The following KIF3C variants were observed in gnomAD, a reference collection of about 807,000 sequenced individuals.
The protein encoded by KIF3C is kinesin family member 3C, also known as kinesin-like protein KIF3C.
In KIF3C, 12 loss-of-function variants were observed where a neutral mutation model predicts 67.7. That is an observed-to-expected ratio of 0.18 (90% CI 0.11 to 0.29). The LOEUF (loss-of-function observed/expected upper bound fraction) is 0.29. KIF3C is among the 10% of genes least tolerant of loss of function. The pLI is 1.00. For synonymous variants in KIF3C, 393 were observed against 426.2 expected, an observed-to-expected ratio of 0.92 and a Z score of 0.96; for missense variants, 789 against 1,059.6, an observed-to-expected ratio of 0.74 and a Z score of 3.55.
chr2:25,979,269 T>C (rs1030648339), intron 1 of KIF3C, among the ~76,000 whole-genome samples: 3 of 152,044 alleles, frequency 2.0e-5, no homozygotes, highest in Admixed American at 2.0e-4. Context: ...GGGAGGGGCC[T>C]CTGTAGTTAG....
intron 1 of KIF3C, among the ~76,000 whole-genome samples, chr2:25,970,405 C>T (rs1365620509): frequency 1.3e-5 from 2 of 151,908 alleles, no homozygotes; most frequent in African/African-American, 4.8e-5. Context: ...CGGTGGCTCA[C>T]GCCTATAATC....
Position 25,958,873 on chromosome 2 carries a change from G to A in KIF3C, c.1546-2429C>T, listed in dbSNP as rs971628443. 6.6e-6 allele frequency among the ~76,000 whole-genome samples: 1 copy of A among 152,134 alleles called. No individual in the cohort carries two copies. On this transcript the variant is annotated intron_variant, in intron 1 of 7. Coordinates refer to ENST00000264712, the MANE Select transcript of KIF3C (RefSeq NM_002254.8). The surrounding 1 kb of genome is among the most constrained non-coding windows in gnomAD (Gnocchi z 4.5). Reference sequence around the variant, plus strand: ...GCGGATCACCTGAGGTTGGGAGTTCGAGACCAGTCTGACCAACATGGAGAA... The same window carrying A: ...GCGGATCACCTGAGGTTGGGAGTTCAAGACCAGTCTGACCAACATGGAGAA...
chr2:25,955,619 G>C lies in KIF3C; in HGVS notation c.1692C>G (p.Asp564Glu). The C allele has an allele frequency of 1.2e-6, 2 of 1,614,060 alleles. No homozygotes were observed. The highest frequency in any genetic ancestry group is 1.7e-6 in the Non-Finnish European group (2 of 1,180,000). Residue 564 changes from aspartate (D) to glutamate (E), a missense_variant, in exon 3 of 8, where the codon GAC becomes GAG. Asp to Glu is a conservative substitution (Grantham distance 45). This residue lies in a region of KIF3C where 648 missense variants were observed against 807.8 expected (regional missense o/e 0.80). Coordinates refer to ENST00000264712, the MANE Select transcript of KIF3C (RefSeq NM_002254.8). The surrounding 1 kb of genome is among the most constrained non-coding windows in gnomAD (Gnocchi z 5.0). ...TGCCCCGGAGCTCCATAGTCTCCTC[G>C]TCCCGGAGCATCATCTCCTGCTGCA... ...REMQQEMMLR[D>E]EETMELRGTY... is the part of the protein sequence containing the mutation.
intron 1 of KIF3C, among the ~76,000 whole-genome samples, chr2:25,962,092 G>A (rs977469332): frequency 6.6e-5 from 10 of 152,294 alleles, no homozygotes; most frequent in South Asian, 4.1e-4. Context: ...AAGAGCTCAC[G>A]TCTTGAGGTT....
At chr2:25,945,997 C>T (rs1663422953) in intron 5 of KIF3C, among the ~76,000 whole-genome samples, 1 of 151,926 alleles carries the variant, frequency 6.6e-6, no homozygotes, top group Non-Finnish European at 1.5e-5. Context: ...CCTGTAATCC[C>T]AGCTACTCAG....
chr2:25,971,778 G>A (rs1032149830), intron 1 of KIF3C, among the ~76,000 whole-genome samples: 2 of 149,892 alleles, frequency 1.3e-5, no homozygotes, highest in Non-Finnish European at 3.0e-5. Context: ...CAAGATCAAG[G>A]CTCACTGAAA....
At chr2:25,962,976 T>C (rs1219529943) in intron 1 of KIF3C, among the ~76,000 whole-genome samples, 4 of 46,406 alleles carry the variant, frequency 8.6e-5, no homozygotes, top group South Asian at 5.0e-4. Flanking sequence ...TAATATATAA[T>C]ATATAATATA....
rs1193226244 is a variant in KIF3C, at chr2:25,930,060, A to T, written c.2010T>A (p.Ser670Arg). The T allele has an allele frequency of 6.2e-7, 1 of 1,612,688 alleles. No individual in the cohort carries two copies. The highest frequency in any genetic ancestry group is 1.3e-5 in the African/African-American group (1 of 74,900). ...TTGGCCGCTTCTTCATCTGGCTGCT[A>T]CTGCTGTAGGAAAGAGGCTATATTA... is the stretch of plus-strand genomic sequence containing the variant. ...KFQPLVPAGV[S>R]SSQMKKRPTS... Residue 670 changes from serine (S) to arginine (R), a missense_variant, in exon 6 of 8, where the codon AGT becomes AGA. Physicochemically the swap from Ser to Arg is moderately radical, Grantham distance 110. Transcript: ENST00000264712.
intron 5 of KIF3C, among the ~76,000 whole-genome samples, chr2:25,944,218 A>G (rs1663369065): frequency 2.0e-5 from 3 of 151,300 alleles, no homozygotes; most frequent in East Asian, 2.0e-4. Context: ...CAGCTACCTG[A>G]TATTTCTTAA....
Position 25,944,019 on chromosome 2 carries a change from T to A in KIF3C, c.2006+7770A>T, listed in dbSNP as rs147147357. On this transcript the variant is annotated intron_variant, in intron 5 of 7. Coordinates refer to ENST00000264712, the MANE Select transcript of KIF3C (RefSeq NM_002254.8). Reference sequence around the variant, plus strand: ...AAAATGAAAAAGAAAAAGAAAAGAATATATTCATGATTACCTGATATTTCT... The same window carrying A: ...AAAATGAAAAAGAAAAAGAAAAGAAAATATTCATGATTACCTGATATTTCT... 3.9e-4 allele frequency among the ~76,000 whole-genome samples: 59 copies of A among 152,236 alleles called. No homozygotes were observed. In the East Asian group the frequency reaches 0.011, roughly 27 times the overall value.
In KIF3C at chr2:25,981,275, G is replaced by C; in HGVS notation, c.643C>G (p.Arg215Gly). Reference protein sequence around the residue: ...GSTHMNEVSSRSHAIFIITVE... With the variant: ...GSTHMNEVSSGSHAIFIITVE... ...GTGATGATGAAGATGGCATGGGAGC[G>C]GGAGCTGACCTCATTCATGTGGGTG... is the stretch of plus-strand genomic sequence containing the variant. Residue 215 changes from arginine to glycine, a missense_variant, in exon 1 of 8, where the codon CGC (arginine) becomes GGC (glycine). This residue lies in a region of KIF3C where 648 missense variants were observed against 807.8 expected (regional missense o/e 0.80). Transcript: ENST00000264712. This position sits in a 1 kb window ranked among gnomAD's most constrained non-coding sequence, Gnocchi z 8.2. 1 of 1,614,170 alleles carries C rather than the reference G, an allele frequency of 6.2e-7. No homozygotes were observed. The highest frequency in any genetic ancestry group is 8.5e-7 in the Non-Finnish European group (1 of 1,180,034).
chr2:25,970,670 A>C, intron 1 of KIF3C, among the ~76,000 whole-genome samples: 1 of 147,562 alleles, frequency 6.8e-6, no homozygotes, highest in Non-Finnish European at 1.5e-5. Context: ...TTTGTCTCAA[A>C]AAAAAAAAAA....
At chr2:25,953,803 G>T (rs1237228595) in intron 4 of KIF3C, among the ~76,000 whole-genome samples, 5 of 151,808 alleles carry the variant, frequency 3.3e-5, no homozygotes, top group African/African-American at 1.2e-4. Context: ...GAGTAGCTGG[G>T]ATTACAAGTG....
chr2:25,928,790 A>G lies in KIF3C; in HGVS notation c.*188T>C. Reference sequence around the variant, plus strand: ...AACACGAACAGAGCTCCGCGAATAAATAACATGAATTAAATAAAGGAGGCG... The same window carrying G: ...AACACGAACAGAGCTCCGCGAATAAGTAACATGAATTAAATAAAGGAGGCG... On this transcript the variant is annotated 3_prime_UTR_variant, in exon 8 of 8. Coordinates refer to ENST00000264712, the MANE Select transcript of KIF3C (RefSeq NM_002254.8). 1 of 567,608 alleles carries G rather than the reference A, an allele frequency of 1.8e-6. No homozygotes were observed. The allele number at this position is 567,608 out of a possible 1,614,324, so 35.2% of individuals were successfully genotyped here. A position where few individuals can be genotyped will look rare whatever the true frequency, so the allele number is the denominator to read the frequency against.
chr2:25,972,524 G>C (rs1437238590), intron 1 of KIF3C, among the ~76,000 whole-genome samples: 1 of 152,156 alleles, frequency 6.6e-6, no homozygotes, highest in Non-Finnish European at 1.5e-5. Flanking sequence ...ACCCAGCCTG[G>C]AGTATGGGTC....
At chr2:25,978,928 G>A (rs1664486585) in intron 1 of KIF3C, among the ~76,000 whole-genome samples, 1 of 152,078 alleles carries the variant, frequency 6.6e-6, no homozygotes, top group Non-Finnish European at 1.5e-5. Context: ...AAACAGCTCA[G>A]CATAACTCTT....
chr2:25,976,113 T>G (rs1664407725), intron 1 of KIF3C, among the ~76,000 whole-genome samples: 1 of 152,200 alleles, frequency 6.6e-6, no homozygotes, highest in African/African-American at 2.4e-5. Flanking sequence ...GCTTGAAACA[T>G]TCTCTCTTGC....
rs541092416 is a variant in KIF3C at position 25,943,128 on chromosome 2, G to A, written c.2006+8661C>T. On this transcript the variant is annotated intron_variant, in intron 5 of 7. Coordinates refer to ENST00000264712, the MANE Select transcript of KIF3C (RefSeq NM_002254.8). ...ACTTGAGTTGAGCAAATGGAACAAC[G>A]CCCTAATTAGTTAAATATGCTTTGG... Among the ~76,000 whole-genome samples, 8 of 152,270 alleles carry A rather than the reference G, an allele frequency of 5.3e-5. No individual in the cohort carries two copies. The East Asian group carries it at 5.8e-4, about 11-fold the overall frequency.
chr2:25,977,951 T>A (rs1664458444), intron 1 of KIF3C, among the ~76,000 whole-genome samples: 1 of 152,186 alleles, frequency 6.6e-6, no homozygotes, highest in African/African-American at 2.4e-5. Context: ...ATCATTCCTG[T>A]TGTGGAATTT....
Sources: allele counts gnomAD v4.1 joint callset (sites outside exome capture counted in the v4.1 genomes callset), GRCh38; gene constraint gnomAD v4.1.1; regional missense constraint gnomAD v4.1.1; non-coding constraint Gnocchi (gnomAD v3.1); transcripts MANE v1.5; gene names NCBI Gene and HGNC (gene_info 2026-07-23, HGNC 2026-07-21).